FANCB: variants seen among roughly 807,000 people sequenced by gnomAD.
FANCB encodes FA complementation group B.
Under a neutral mutation model 38.9 loss-of-function variants are expected in FANCB, and 5 were observed. That is an observed-to-expected ratio of 0.13 (90% CI 0.07 to 0.27). The LOEUF is 0.27. FANCB is among the 10% of genes least tolerant of loss of function. The pLI is 1.00. For synonymous variants in FANCB, 236 were observed against 215.4 expected (o/e 1.10, Z -0.84); for missense variants, 573 against 602.7 (o/e 0.95, Z 0.52).
chrX:14,826,817 T>C, the FANCB span, among the ~76,000 whole-genome samples: 5 of 112,335 alleles, frequency 4.5e-5, no homozygotes, highest in South Asian at 1.8e-3. Flanking sequence ...GGCTTCTGAC[T>C]TTTGTGACAT....
the FANCB span, among the ~76,000 whole-genome samples, chrX:14,749,038 G>A: frequency 8.9e-6 from 1 of 111,828 alleles, no homozygotes; most frequent in East Asian, 2.8e-4. Context: ...ATGACAGAAA[G>A]AACAGTGATG....
At chrX:14,796,116 C>T in the FANCB span, among the ~76,000 whole-genome samples, 1 of 111,249 alleles carries the variant, frequency 9.0e-6, no homozygotes, top group Non-Finnish European at 1.9e-5. Context: ...GGCTGTGTAA[C>T]CAATTGCCAC....
chrX:14,820,044 A>G, the FANCB span, among the ~76,000 whole-genome samples: 13 of 111,455 alleles, frequency 1.2e-4, no homozygotes, highest in South Asian at 4.9e-3. Context: ...TTCATGATGC[A>G]GCCTTTCCTT....
chrX:14,735,206 T>C, the FANCB span, among the ~76,000 whole-genome samples: 1 of 110,368 alleles, frequency 9.1e-6, no homozygotes, highest in Admixed American at 9.7e-5. Flanking sequence ...AGTTTGTTAT[T>C]ACCCGCCTTC....
chrX:14,825,391 CCT>C, the FANCB span, among the ~76,000 whole-genome samples: 2 of 111,253 alleles, frequency 1.8e-5, no homozygotes, highest in Non-Finnish European at 3.8e-5. Context: ...CTTTGTTTTC[CCT>C]CTCTGTGTTT....
At chrX:14,870,304 G>T (rs777709355) in intron 1 of FANCB, among the ~76,000 whole-genome samples, 7 of 111,172 alleles carry the variant, frequency 6.3e-5, no homozygotes, top group Non-Finnish European at 1.1e-4. Context: ...CCAATTATAA[G>T]CAACCCCTCA....
the FANCB span, among the ~76,000 whole-genome samples, chrX:14,789,089 A>G: frequency 8.9e-6 from 1 of 111,865 alleles, no homozygotes; most frequent in Non-Finnish European, 1.9e-5. Context: ...CCACAACACT[A>G]TAAGCTCAGT....
chrX:14,864,280 TATA>T (rs2092459159), intron 3 of FANCB, among the ~76,000 whole-genome samples: 1 of 111,904 alleles, frequency 8.9e-6, no homozygotes, highest in Non-Finnish European at 1.9e-5. Context: ...ATTAGAAAGT[TATA>T]ATAGAAAAAT....
chrX:14,779,405 TGCCAA>T, the FANCB span, among the ~76,000 whole-genome samples: 1 of 111,930 alleles, frequency 8.9e-6, no homozygotes, highest in African/African-American at 3.3e-5. Flanking sequence ...ATTCTGGTAT[TGCCAA>T]TGTGACAGTA....
At chrX:14,830,448 T>C in the FANCB span, among the ~76,000 whole-genome samples, 1 of 111,818 alleles carries the variant, frequency 8.9e-6, no homozygotes, top group Non-Finnish European at 1.9e-5. Flanking sequence ...GTTATATACA[T>C]GTCTTTGTGT....
chrX:14,859,375 A>C, intron 3 of FANCB, 41 bp from the exon 4 acceptor site: 1 of 1,016,568 alleles, frequency 9.8e-7, no homozygotes, highest in Non-Finnish European at 1.4e-6. Flanking sequence ...AGACAAGAAA[A>C]AATCGAATGT....
the FANCB span, among the ~76,000 whole-genome samples, chrX:14,779,097 G>A: frequency 8.9e-6 from 1 of 112,080 alleles, no homozygotes; most frequent in Non-Finnish European, 1.9e-5. Flanking sequence ...CAAAGGCTGA[G>A]AAGTAACTTA....
the FANCB span, among the ~76,000 whole-genome samples, chrX:14,698,238 G>A: frequency 9.0e-6 from 1 of 111,273 alleles, no homozygotes; most frequent in Non-Finnish European, 1.9e-5. Context: ...TTTGAGTACT[G>A]GAGTTTTGGG....
the FANCB span, among the ~76,000 whole-genome samples, chrX:14,729,574 T>C: frequency 8.9e-6 from 1 of 112,001 alleles, no homozygotes; most frequent in East Asian, 2.8e-4. Context: ...AAATAATCAA[T>C]GTTAAAAATC....
At chrX:14,843,158 T>C (rs905614101), downstream of FANCB, among the ~76,000 whole-genome samples, 6 of 111,891 alleles carry the variant, frequency 5.4e-5, no homozygotes, top group Admixed American at 9.5e-5. Flanking sequence ...TAAGTAACTC[T>C]AAGACGGGAT....
chrX:14,796,489 T>C, the FANCB span, among the ~76,000 whole-genome samples: 1 of 97,872 alleles, frequency 1.0e-5, no homozygotes, highest in African/African-American at 3.7e-5. Flanking sequence ...ATATAACATA[T>C]ATTATATATA....
At chrX:14,852,103 C>T (rs747203889) in intron 6 of FANCB, among the ~76,000 whole-genome samples, 1 of 111,006 alleles carries the variant, frequency 9.0e-6, no homozygotes, top group Non-Finnish European at 1.9e-5. Context: ...GAAGTTTCAG[C>T]AGTTTTTGCT....
chrX:14,747,182 C>T, the FANCB span, among the ~76,000 whole-genome samples: 146 of 112,369 alleles, frequency 1.3e-3, no homozygotes, highest in Middle Eastern at 4.6e-3. Flanking sequence ...ATGTTTTCAA[C>T]ATAATGGGAA....
the FANCB span, among the ~76,000 whole-genome samples, chrX:14,802,318 C>A: frequency 9.0e-6 from 1 of 111,392 alleles, no homozygotes; most frequent in African/African-American, 3.3e-5. Context: ...GATGGCATGG[C>A]ATCATATGAT....
Sources: allele counts gnomAD v4.1 joint callset (sites outside exome capture counted in the v4.1 genomes callset), GRCh38; gene constraint gnomAD v4.1.1; transcripts MANE v1.5; gene names NCBI Gene and HGNC (gene_info 2026-07-23, HGNC 2026-07-21).